ADGRL3: variants seen among roughly 807,000 people sequenced by gnomAD.
ADGRL3 encodes the protein adhesion G protein-coupled receptor L3, also known as calcium-independent alpha-latrotoxin receptor 3.
In ADGRL3, 62 loss-of-function variants were observed where a neutral mutation model predicts 153.5. The ratio of observed to expected loss-of-function variants is 0.40; its 90% CI spans 0.33 to 0.50. The LOEUF (loss-of-function observed/expected upper bound fraction) is 0.50, where lower values mean the gene tolerates loss of function less well. Among genes scored for constraint, ADGRL3 ranks in the 20% least tolerant of loss-of-function variants. ADGRL3 has a pLI of 0.47. For synonymous variants in ADGRL3, 710 were observed against 672.5 expected (o/e 1.06, Z -0.86); for missense variants, 1,641 against 1,859.4 (o/e 0.88, Z 2.16).
At position 61,611,592 on chromosome 4, in the gene ADGRL3, T is replaced by C. The variant is rs183289038; in HGVS notation, c.473+24152T>C. Among the ~76,000 whole-genome samples the C allele has an allele frequency of 2.6e-5, 4 of 152,250 alleles. No individual in the cohort carries two copies. In the East Asian group the frequency reaches 7.7e-4, roughly 29 times the overall value. ...AATATCTTCAGTAAATATCTTTTTT[T>C]ACATTTTGAAATAATACTATGTGCA... On this transcript the variant is annotated intron_variant, in intron 5 of 26. Transcript: ENST00000683033.
At position 61,374,539 on chromosome 4, in the gene ADGRL3, C is replaced by A. The variant is rs372669989; in HGVS notation, c.-239-8585C>A. Among the ~76,000 whole-genome samples the A allele has an allele frequency of 9.9e-5, 15 of 152,062 alleles. No individual in the cohort carries two copies. In the South Asian group the frequency reaches 2.9e-3, roughly 29 times the overall value. Reference sequence around the variant, plus strand: ...GGAACATGAAGCACATTTTTAAGACCTCAGTACTGAAGATTTTCTGCTTGA... The same window carrying A: ...GGAACATGAAGCACATTTTTAAGACATCAGTACTGAAGATTTTCTGCTTGA... On this transcript the variant is annotated intron_variant, in intron 1 of 26. Transcript: ENST00000683033.
intron 18 of ADGRL3, 63 bp downstream of exon 18, chr4:61,979,835 A>G: frequency 8.1e-7 from 1 of 1,235,504 alleles, no homozygotes; most frequent in Non-Finnish European, 1.2e-6. Context: ...AGTAGCGCCA[A>G]TACTAAAAAT....
At chr4:61,389,764 G>A (rs993496666) in intron 2 of ADGRL3, among the ~76,000 whole-genome samples, 8 of 152,086 alleles carry the variant, frequency 5.3e-5, no homozygotes, top group South Asian at 2.1e-4. Flanking sequence ...TGGAGATATC[G>A]TGGCTGTCAG....
chr4:61,672,587 A>G (rs1480824889), intron 5 of ADGRL3, among the ~76,000 whole-genome samples: 1 of 152,102 alleles, frequency 6.6e-6, no homozygotes, highest in Non-Finnish European at 1.5e-5. Context: ...CAACTTCACT[A>G]ATCGTCAGGG....
At chr4:61,625,898 G>T (rs546432515) in intron 5 of ADGRL3, among the ~76,000 whole-genome samples, 1 of 152,056 alleles carries the variant, frequency 6.6e-6, no homozygotes, top group Non-Finnish European at 1.5e-5. Flanking sequence ...CATTAGCAGT[G>T]TTCTCTTTTG....
At position 61,302,174 on chromosome 4, in the gene ADGRL3, T is replaced by C. The variant is rs187803293; in HGVS notation, c.-239-80950T>C. On this transcript the variant is annotated intron_variant, in intron 1 of 26. Transcript: ENST00000683033. Reference sequence around the variant, plus strand: ...TGTGCTTGAGACCTGATGAGATGAATTTTTGTTTCCTAGATTAGGTGGGCC... The same window carrying C: ...TGTGCTTGAGACCTGATGAGATGAACTTTTGTTTCCTAGATTAGGTGGGCC... 1.1e-3 allele frequency among the ~76,000 whole-genome samples: 160 copies of C among 152,174 alleles called. No individual in the cohort carries two copies. The Middle Eastern group carries it at 0.031, about 29-fold the overall frequency.
At chr4:61,449,576 T>TA (rs1438538991) in intron 2 of ADGRL3, among the ~76,000 whole-genome samples, 1 of 152,170 alleles carries the variant, frequency 6.6e-6, no homozygotes, top group Non-Finnish European at 1.5e-5. Context: ...AGTCAAGTAA[T>TA]ATGACTTGTC....
intron 4 of ADGRL3, among the ~76,000 whole-genome samples, chr4:61,543,751 G>T (rs1347918544): frequency 6.6e-6 from 1 of 152,124 alleles, no homozygotes; most frequent in Non-Finnish European, 1.5e-5. Context: ...ATGCATAAAT[G>T]CATAGGTGGT....
intron 8 of ADGRL3, among the ~76,000 whole-genome samples, chr4:61,798,379 A>G (rs1303448064): frequency 1.3e-5 from 2 of 152,102 alleles, no homozygotes; most frequent in East Asian, 1.9e-4. Context: ...GTATATGTGC[A>G]TGTGTGTCTG....
chr4:61,747,020 G>A (rs978947617), intron 8 of ADGRL3, among the ~76,000 whole-genome samples: 1 of 152,166 alleles, frequency 6.6e-6, no homozygotes, highest in Non-Finnish European at 1.5e-5. Flanking sequence ...AAATGATAAA[G>A]GGGATATCAC....
At chr4:61,949,046 G>A (rs775457657) in intron 17 of ADGRL3, among the ~76,000 whole-genome samples, 1 of 151,372 alleles carries the variant, frequency 6.6e-6, no homozygotes, top group Non-Finnish European at 1.5e-5. Context: ...AAGCAGGTCA[G>A]TGCATCAGTA....
intron 5 of ADGRL3, among the ~76,000 whole-genome samples, chr4:61,646,951 C>T (rs193158731): frequency 1.6e-4 from 25 of 152,324 alleles, no homozygotes; most frequent in Admixed American, 5.2e-4. Flanking sequence ...TAGGACCCTC[C>T]GAGCCAGGTG....
intron 1 of ADGRL3, among the ~76,000 whole-genome samples, chr4:61,309,052 T>C (rs1371816337): frequency 6.6e-6 from 1 of 152,192 alleles, no homozygotes; most frequent in East Asian, 1.9e-4. Flanking sequence ...TCGCATTATA[T>C]GATTTTAAGG....
intron 23 of ADGRL3, among the ~76,000 whole-genome samples, chr4:62,033,438 T>C (rs138869150): frequency 1.3e-4 from 19 of 151,714 alleles, no homozygotes; most frequent in African/African-American, 4.1e-4. Context: ...TGAGTGAGAA[T>C]AGAGCTGTAA....
intron 2 of ADGRL3, among the ~76,000 whole-genome samples, chr4:61,456,391 ATATATC>A (rs1474889786): frequency 3.7e-5 from 4 of 109,038 alleles, no homozygotes; most frequent in East Asian, 4.5e-4. Context: ...ATATATATAG[ATATATC>A]TATATCTATA....
chr4:61,833,958 C>CTTTTTTT (rs113049750), intron 9 of ADGRL3, among the ~76,000 whole-genome samples: 2 of 123,434 alleles, frequency 1.6e-5, no homozygotes, highest in African/African-American at 2.9e-5. Flanking sequence ...AAGGCAGCTT[C>CTTTTTTT]TTTTTTTTTT....
intron 15 of ADGRL3, among the ~76,000 whole-genome samples, chr4:61,941,135 C>A (rs2098890352): frequency 1.5e-5 from 1 of 65,634 alleles, no homozygotes; most frequent in African/African-American, 6.6e-5. Flanking sequence ...GATCCAGTTT[C>A]AGCTTTCTAC....
intron 17 of ADGRL3, among the ~76,000 whole-genome samples, chr4:61,968,739 G>A (rs1181963207): frequency 6.6e-6 from 1 of 152,088 alleles, no homozygotes; most frequent in Non-Finnish European, 1.5e-5. Context: ...TTAATATTGT[G>A]TAAAGATGTA....
intron 1 of ADGRL3, among the ~76,000 whole-genome samples, chr4:61,372,668 A>G (rs1191657224): frequency 6.6e-6 from 1 of 152,170 alleles, no homozygotes; most frequent in East Asian, 1.9e-4. Flanking sequence ...TGCAGAGGTT[A>G]CTGCTGTCTT....
Sources: allele counts gnomAD v4.1 joint callset (sites outside exome capture counted in the v4.1 genomes callset), GRCh38; gene constraint gnomAD v4.1.1; transcripts MANE v1.5; gene names NCBI Gene and HGNC (gene_info 2026-07-23, HGNC 2026-07-21).